ZNF787: variants seen among roughly 807,000 people sequenced by gnomAD.
The protein encoded by ZNF787 is TTF-I-interacting peptide 20.
A neutral mutation model predicts 16.9 loss-of-function variants in ZNF787; 7 were observed. That is an observed-to-expected ratio of 0.42 (90% CI 0.24 to 0.78). The LOEUF (loss-of-function observed/expected upper bound fraction) is 0.78, where lower values mean the gene tolerates loss of function less well. ZNF787 is among the 30% of genes least tolerant of loss of function. The probability of loss-of-function intolerance (pLI) is 0.30; values close to 1 mark genes in which losing one functional copy is unlikely to be tolerated. For synonymous variants in ZNF787, 345 were observed against 270.9 expected (o/e 1.27, Z -2.69); for missense variants, 551 against 589.3 (o/e 0.94, Z 0.67).
intron 1 of ZNF787, among the ~76,000 whole-genome samples, chr19:56,111,863 C>T (rs2029990099): frequency 6.6e-6 from 1 of 152,182 alleles, no homozygotes; most frequent in South Asian, 2.1e-4. Context: ...ATGGCTGAGC[C>T]TCAGCTGCCT....
rs777336593 is a variant in ZNF787 at position 56,088,239 on chromosome 19, C to T, written c.933G>A (p.Gly311=). 48 of 1,479,360 alleles carry T rather than the reference C, an allele frequency of 3.2e-5. 2 individuals are homozygous for T. The South Asian group carries it at 5.8e-4, about 18-fold the overall frequency. 91.6% of individuals were successfully genotyped at this position (1,479,360 alleles called of 1,614,324 possible). ...AQHGDGLGAA[G]GEEPAHICVE... is the part of the protein sequence containing the mutation. ...CGCAGATGTGGGCCGGCTCCTCGCCCCCCGCCGCCCCGAGCCCGTCCCCGT... is the reference window on the plus strand; with the variant it reads ...CGCAGATGTGGGCCGGCTCCTCGCCTCCCGCCGCCCCGAGCCCGTCCCCGT... The change falls in exon 3 of 3, where the codon GGG becomes GGA. Residue 311 remains glycine, a synonymous_variant. Transcript: ENST00000610935. The surrounding 1 kb of genome is among the most constrained non-coding windows in gnomAD (Gnocchi z 8.6).
intron 1 of ZNF787, among the ~76,000 whole-genome samples, chr19:56,117,201 T>C (rs1001289984): frequency 2.0e-5 from 3 of 152,214 alleles, no homozygotes; most frequent in Admixed American, 6.5e-5. Flanking sequence ...CCTTGTTGTA[T>C]AGACAAGGAA....
At chr19:56,111,770 G>A (rs524829) in intron 1 of ZNF787, among the ~76,000 whole-genome samples, 138,564 of 151,978 alleles carry the variant, frequency 0.91, 63,861 homozygotes, top group Non-Finnish European at 0.99. Context: ...AACCAGCCTG[G>A]GTGACAGCAC....
intron 1 of ZNF787, among the ~76,000 whole-genome samples, chr19:56,118,716 GTCC>G (rs982758474): frequency 3.3e-5 from 5 of 152,178 alleles, no homozygotes; most frequent in African/African-American, 1.2e-4. Flanking sequence ...ACCTGGCACA[GTCC>G]TCACTAGGCT....
chr19:56,098,096 C>A (rs1985938448), intron 2 of ZNF787, among the ~76,000 whole-genome samples: 1 of 152,000 alleles, frequency 6.6e-6, no homozygotes, highest in African/African-American at 2.4e-5. Flanking sequence ...GAGCCTGGGG[C>A]CCATACAGCT....
intron 2 of ZNF787, among the ~76,000 whole-genome samples, chr19:56,092,040 GCCGAAGCCTCACCCTCACCCTCAC>G (rs1568523604): frequency 6.7e-6 from 1 of 150,202 alleles, no homozygotes; most frequent in Non-Finnish European, 1.5e-5. Flanking sequence ...CGAAGCCGAA[GCCGAAGCCTCACCCTCACCCTCAC>G]CCTCACCCTC....
chr19:56,088,340 T>TG lies in ZNF787; in HGVS notation c.831dup (p.Lys278GlnfsTer185). 8.2e-7 allele frequency: 1 copy of TG among 1,214,684 alleles called. No individual in the cohort carries two copies. The allele number at this position is 1,214,684 out of a possible 1,614,324, so 75.2% of individuals were successfully genotyped here. On this transcript the variant is annotated frameshift_variant, in exon 3 of 3. Transcript: ENST00000610935. LOFTEE classifies it high-confidence loss of function. The surrounding 1 kb of genome is among the most constrained non-coding windows in gnomAD (Gnocchi z 8.6). ...CCGCACTCCAGACACACGTACGGCT[T>TG]GGGGGCCGGGGCGCGCCGCGACCGG...
At chr19:56,102,016 G>A (rs969131924) in intron 2 of ZNF787, 3 of 152,184 alleles carry the variant, frequency 2.0e-5, no homozygotes, top group African/African-American at 7.2e-5. Context: ...TTTCTACCCC[G>A]GGACCAAGGC....
intron 1 of ZNF787, among the ~76,000 whole-genome samples, chr19:56,112,027 C>T (rs1188673523): frequency 1.3e-5 from 2 of 152,138 alleles, no homozygotes; most frequent in Non-Finnish European, 2.9e-5. Flanking sequence ...TGCTCTCAGC[C>T]CCTGCTGAAG....
chr19:56,092,016 A>AAAG (rs1985611148), intron 2 of ZNF787, among the ~76,000 whole-genome samples: 2 of 144,920 alleles, frequency 1.4e-5, no homozygotes, highest in Non-Finnish European at 3.0e-5. Context: ...CAAAGCCGAA[A>AAAG]CCGAAGCCGA....
rs1172324887 is a variant in ZNF787 at position 56,107,841 on chromosome 19, GGC to G, written c.-10-4616_-10-4615del. On this transcript the variant is annotated intron_variant, in intron 1 of 2. Transcript: ENST00000610935. ...CGGGCATGCTGGGGGCTGCGGGAGA[GGC>G]CGCTCGAAGGCCGGGCATGCTGGGG... Among the ~76,000 whole-genome samples the G allele has an allele frequency of 4.1e-3, 615 of 150,076 alleles. 2 individuals carry two copies. The highest frequency in any genetic ancestry group is 0.014 in the African/African-American group (552 of 39,968).
chr19:56,115,473 C>T (rs1353052991), intron 1 of ZNF787, among the ~76,000 whole-genome samples: 2 of 151,744 alleles, frequency 1.3e-5, no homozygotes, highest in African/African-American at 2.4e-5. Flanking sequence ...ATTCTCCTGC[C>T]TCAGCCTCCC....
intron 1 of ZNF787, among the ~76,000 whole-genome samples, chr19:56,111,046 T>C (rs983885803): frequency 6.6e-5 from 10 of 152,260 alleles, no homozygotes; most frequent in South Asian, 2.1e-4. Flanking sequence ...ATGTTTTCAA[T>C]AGACAGCCAT....
intron 2 of ZNF787, among the ~76,000 whole-genome samples, chr19:56,099,450 T>C (rs1314741646): frequency 2.0e-5 from 3 of 152,158 alleles, no homozygotes; most frequent in South Asian, 2.1e-4. Context: ...CGGTGGCTCA[T>C]GCCTGTAATC....
At chr19:56,120,709 G>C (rs988615551) in intron 1 of ZNF787, among the ~76,000 whole-genome samples, 11 of 151,584 alleles carry the variant, frequency 7.3e-5, no homozygotes, top group African/African-American at 2.7e-4. Flanking sequence ...CAACCGCGCG[G>C]CCCCTTCCCC....
intron 1 of ZNF787, among the ~76,000 whole-genome samples, chr19:56,105,704 G>A (rs955698318): frequency 6.6e-6 from 1 of 151,980 alleles, no homozygotes; most frequent in Non-Finnish European, 1.5e-5. Context: ...ACACCCCAGG[G>A]CCCACACTTC....
chr19:56,093,541 G>A (rs938656353), intron 2 of ZNF787, among the ~76,000 whole-genome samples: 1 of 152,086 alleles, frequency 6.6e-6, no homozygotes, highest in African/African-American at 2.4e-5. Context: ...GACATGTTCG[G>A]GCTCAGGAGA....
intron 1 of ZNF787, among the ~76,000 whole-genome samples, chr19:56,115,713 G>A (rs754813084): frequency 2.6e-4 from 39 of 152,140 alleles, no homozygotes; most frequent in Non-Finnish European, 5.0e-4. Flanking sequence ...TCAGCACAGC[G>A]ACGGCAGAGA....
intron 2 of ZNF787, 113 bp downstream of exon 2, chr19:56,103,026 G>A (rs2064220628): frequency 8.1e-7 from 1 of 1,230,938 alleles, no homozygotes; most frequent in African/African-American, 1.5e-5. Flanking sequence ...GGTGGTCCCA[G>A]GGCCCCAAGA....
Sources: gnomAD v4.1 joint callset for allele counts (sites outside exome capture counted in the v4.1 genomes callset) on GRCh38, gnomAD v4.1.1 for gene constraint, Gnocchi (gnomAD v3.1) non-coding constraint, MANE v1.5 for transcripts, NCBI Gene and HGNC (gene_info 2026-07-23, HGNC 2026-07-21) for gene names.